Variants in UBASH3B observed in about 807,000 individuals in gnomAD.
UBASH3B encodes the protein ubiquitin associated and SH3 domain containing B.
Under a neutral mutation model 83.4 loss-of-function variants are expected in UBASH3B, and 37 were observed. The ratio of observed to expected loss-of-function variants is 0.44; its 90% CI spans 0.34 to 0.58. The LOEUF (loss-of-function observed/expected upper bound fraction) is 0.58. UBASH3B is among the 20% of genes least tolerant of loss of function. The pLI, the probability that UBASH3B is intolerant of heterozygous loss-of-function variation, is 0.01. For missense variants in UBASH3B, 657 were observed against 827.2 expected (o/e 0.79, Z 2.52); for synonymous variants, 304 against 318.3 (o/e 0.96, Z 0.48).
At chr11:122,680,040 A>C (rs1183884289) in intron 1 of UBASH3B, among the ~76,000 whole-genome samples, 1 of 152,192 alleles carries the variant, frequency 6.6e-6, no homozygotes, top group African/African-American at 2.4e-5. Flanking sequence ...CATGTTGGCC[A>C]GGCTGGTCTC....
chr11:122,719,689 C>T (rs1460576132), intron 1 of UBASH3B, among the ~76,000 whole-genome samples: 2 of 152,176 alleles, frequency 1.3e-5, no homozygotes, highest in Non-Finnish European at 2.9e-5. Flanking sequence ...TAACACTTCC[C>T]AAACAAGTTG....
chr11:122,684,375 G>C lies in UBASH3B; in HGVS notation c.161+28165G>C, dbSNP rs1863783499. Among the ~76,000 whole-genome samples, 3 of 152,130 alleles carry C rather than the reference G, an allele frequency of 2.0e-5. 1 individual carries two copies. Among genetic ancestry groups the C allele is most frequent in the Non-Finnish European group, 4.4e-5 (3 of 68,026 alleles). On this transcript the variant is annotated intron_variant, in intron 1 of 13. Transcript: ENST00000284273. The stretch of plus-strand genomic sequence containing the variant: ...TTGCTTATCTTCTAGAGAGCGACAA[G>C]CAAAAGTTAGGAATGGTGGTATATT...
intron 7 of UBASH3B, among the ~76,000 whole-genome samples, chr11:122,795,665 G>A (rs1018999126): frequency 2.6e-5 from 4 of 152,186 alleles, no homozygotes; most frequent in African/African-American, 9.7e-5. Flanking sequence ...GGAAAACAGG[G>A]TCTCATTACT....
chr11:122,793,280 G>A (rs1461015195), intron 6 of UBASH3B, among the ~76,000 whole-genome samples: 2 of 152,204 alleles, frequency 1.3e-5, no homozygotes, highest in Admixed American at 1.3e-4. Flanking sequence ...CTACTCCAGA[G>A]GCTGAGGCAG....
chr11:122,709,982 C>A (rs1196112234), intron 1 of UBASH3B, among the ~76,000 whole-genome samples: 2 of 151,836 alleles, frequency 1.3e-5, no homozygotes, highest in African/African-American at 4.8e-5. Flanking sequence ...ATGGTGAAAG[C>A]CCGTCTCCAC....
intron 11 of UBASH3B, among the ~76,000 whole-genome samples, chr11:122,804,066 C>G (rs1861299507): frequency 6.6e-6 from 1 of 152,098 alleles, no homozygotes. Context: ...CAGCATGTAT[C>G]CCGCTCTTCA....
intron 1 of UBASH3B, among the ~76,000 whole-genome samples, chr11:122,676,866 G>A (rs1476325389): frequency 6.6e-6 from 1 of 152,084 alleles, no homozygotes; most frequent in East Asian, 1.9e-4. Flanking sequence ...GCTCTTCTGT[G>A]TGACTCAGCC....
At chr11:122,776,891 A>G in intron 2 of UBASH3B, 133 bp from the exon 3 acceptor site, 1 of 760,988 alleles carries the variant, frequency 1.3e-6, no homozygotes, top group South Asian at 2.7e-5. Flanking sequence ...AGATTTTTAA[A>G]TCATGAATGA....
At position 122,779,647 on chromosome 11, in the gene UBASH3B, C is replaced by T. The variant is rs1860814663; in HGVS notation, c.553C>T (p.Leu185Phe). 1 of 1,614,080 alleles carries T rather than the reference C, an allele frequency of 6.2e-7. No homozygotes were observed. The highest frequency in any genetic ancestry group is 1.3e-5 in the African/African-American group (1 of 74,926). The part of the protein sequence containing the change: ...LFVKEDSAEV[L>F]KKFAADFAAE... ...TGTAAAGGAAGACAGTGCGGAGGTC[C>T]TCAAGAAGTTTGCTGCTGACTTTGC... Residue 185 changes from leucine to phenylalanine, a missense_variant, in exon 4 of 14, where the codon CTC (leucine) becomes TTC (phenylalanine). By Grantham distance (22) the Leu-to-Phe change is conservative. Coordinates refer to ENST00000284273, the MANE Select transcript of UBASH3B (RefSeq NM_032873.5).
At chr11:122,720,938 G>C (rs1860617870) in intron 1 of UBASH3B, among the ~76,000 whole-genome samples, 2 of 151,780 alleles carry the variant, frequency 1.3e-5, no homozygotes, top group African/African-American at 4.8e-5. Context: ...CTGACACATA[G>C]TAGATGTTAA....
chr11:122,813,219 C>T lies in UBASH3B; in HGVS notation c.*3333C>T, dbSNP rs1240380394. The T allele has an allele frequency of 6.6e-6, 1 of 152,190 alleles. No homozygotes were observed. The highest frequency in any genetic ancestry group is 1.9e-4 in the East Asian group (1 of 5,196). The allele number at this position is 152,190 out of a possible 1,614,324, so 9.4% of individuals were successfully genotyped here. A position where few individuals can be genotyped will look rare whatever the true frequency, so the allele number is the denominator to read the frequency against. On this transcript the variant is annotated 3_prime_UTR_variant, in exon 14 of 14. Transcript: ENST00000284273. ...TAGATTGTCTTGTCATTGTGCTTAA[C>T]ATTACCATAAGTGTGTCTTTTCCAC...
At chr11:122,757,312 C>G (rs1036439243) in intron 1 of UBASH3B, among the ~76,000 whole-genome samples, 2 of 152,290 alleles carry the variant, frequency 1.3e-5, no homozygotes, top group African/African-American at 4.8e-5. Context: ...GCTCTCTCCC[C>G]TTCTTTTCAC....
intron 11 of UBASH3B, among the ~76,000 whole-genome samples, chr11:122,803,935 T>G (rs1025055185): frequency 6.6e-6 from 1 of 151,726 alleles, no homozygotes; most frequent in Non-Finnish European, 1.5e-5. Flanking sequence ...CTGACAAGGG[T>G]GAGGAAGCTT....
chr11:122,797,038 G>A lies in UBASH3B; in HGVS notation c.1357+5G>A, dbSNP rs765195628. On this transcript the variant is annotated splice_donor_5th_base_variant and intron_variant, in intron 9 of 13. Coordinates refer to ENST00000284273, the MANE Select transcript of UBASH3B (RefSeq NM_032873.5). The stretch of plus-strand genomic sequence containing the variant: ...GCATGCAAGCAAGACTAGTGGGTAA[G>A]TATCCTGGAGTGACTGCACTCCAGG... 4.4e-6 allele frequency: 7 copies of A among 1,591,620 alleles called. No homozygotes were observed. Among genetic ancestry groups the A allele is most frequent in the Non-Finnish European group, 6.0e-6 (7 of 1,169,264 alleles).
chr11:122,656,335 G>C (rs1863362833), intron 1 of UBASH3B, 125 bp downstream of exon 1: 1 of 1,035,258 alleles, frequency 9.7e-7, no homozygotes, highest in African/African-American at 1.7e-5. Flanking sequence ...CCCGAGACCT[G>C]TTGGGGGCGG....
rs1328935318 is a variant in UBASH3B, at chr11:122,722,846, C to T, written c.162-53373C>T. On this transcript the variant is annotated intron_variant, in intron 1 of 13. Coordinates refer to ENST00000284273, the MANE Select transcript of UBASH3B (RefSeq NM_032873.5). ...TCAGACTCCCGAGTAGCTGGGACTA[C>T]AGGTGCCCGCAACCATGCCTGGCTA... 2.6e-5 allele frequency among the ~76,000 whole-genome samples: 4 copies of T among 152,160 alleles called. No individual in the cohort carries two copies. In the East Asian group the frequency reaches 7.7e-4, roughly 29 times the overall value.
chr11:122,721,289 G>C (rs1860632094), intron 1 of UBASH3B, among the ~76,000 whole-genome samples: 1 of 148,098 alleles, frequency 6.8e-6, no homozygotes, highest in African/African-American at 2.5e-5. Flanking sequence ...CTCTAGGTCA[G>C]TTTCTACAAC....
intron 1 of UBASH3B, among the ~76,000 whole-genome samples, chr11:122,773,681 C>A (rs918007331): frequency 2.0e-5 from 3 of 152,122 alleles, no homozygotes; most frequent in African/African-American, 7.2e-5. Context: ...ATTTCCTTAG[C>A]CTTTCATCAT....
In UBASH3B at chr11:122,755,759, C is replaced by T. The variant is rs143938470; in HGVS notation, c.162-20460C>T. Among the ~76,000 whole-genome samples the T allele has an allele frequency of 4.0e-3, 607 of 152,158 alleles. 4 individuals are homozygous for T. The highest frequency in any genetic ancestry group is 0.014 in the African/African-American group (569 of 41,492). On this transcript the variant is annotated intron_variant, in intron 1 of 13. Transcript: ENST00000284273. Reference sequence around the variant, plus strand: ...AACTCAGGCTTTGTCGACTCAGGCCCGAGGTCCGATAATTTTAAGATTGGG... The same window carrying T: ...AACTCAGGCTTTGTCGACTCAGGCCTGAGGTCCGATAATTTTAAGATTGGG...
Sources: gnomAD v4.1 joint callset for allele counts (sites outside exome capture counted in the v4.1 genomes callset) on GRCh38, gnomAD v4.1.1 for gene constraint, MANE v1.5 for transcripts, NCBI Gene and HGNC (gene_info 2026-07-23, HGNC 2026-07-21) for gene names.